Variants in FAM13C observed in about 807,000 individuals in gnomAD.
The protein encoded by FAM13C is protein FAM13C.
FAM13C carries 37 observed loss-of-function variants against 73.2 expected under a neutral mutation model. That is an observed-to-expected ratio of 0.51 (90% confidence interval 0.39 to 0.67). The LOEUF is 0.67. FAM13C is among the 30% of genes least tolerant of loss of function. The pLI is 0.00. For missense variants in FAM13C, 589 were observed against 715.6 expected, an observed-to-expected ratio of 0.82 and a Z score of 2.02; for synonymous variants, 246 against 260.9, an observed-to-expected ratio of 0.94 and a Z score of 0.55.
chr10:59,274,884 G>A (rs1479804685), intron 6 of FAM13C, among the ~76,000 whole-genome samples: 3 of 152,168 alleles, frequency 2.0e-5, no homozygotes, highest in African/African-American at 7.2e-5. Flanking sequence ...CTGAGCTGTG[G>A]AGCTAGGGAA....
intron 6 of FAM13C, among the ~76,000 whole-genome samples, chr10:59,278,946 G>C (rs145270090): frequency 1.0e-3 from 155 of 152,300 alleles, no homozygotes; most frequent in Non-Finnish European, 1.7e-3. Context: ...GACTTTCAAA[G>C]ACTATCTGGG....
At chr10:59,332,038 G>C (rs1852063604) in intron 3 of FAM13C, among the ~76,000 whole-genome samples, 1 of 152,096 alleles carries the variant, frequency 6.6e-6, no homozygotes, top group Non-Finnish European at 1.5e-5. Flanking sequence ...GATCAGGAGG[G>C]TGACCAAAAC....
intron 3 of FAM13C, among the ~76,000 whole-genome samples, chr10:59,348,090 T>TG (rs1190420858): frequency 2.2e-4 from 34 of 152,298 alleles, no homozygotes; most frequent in African/African-American, 6.5e-4. Flanking sequence ...CCAAACTTTG[T>TG]GAAAAAAAAG....
intron 2 of FAM13C, among the ~76,000 whole-genome samples, chr10:59,352,818 A>C (rs74945084): frequency 1.3e-5 from 2 of 152,196 alleles, no homozygotes; most frequent in Admixed American, 1.3e-4. Context: ...TTCAGGTGAG[A>C]TATCATCATC....
chr10:59,361,042 G>A, intron 1 of FAM13C: 1 of 1,289,218 alleles, frequency 7.8e-7, no homozygotes, highest in Non-Finnish European at 1.0e-6. Context: ...ACCTGGAGCA[G>A]GAAGTCCAGG....
intron 4 of FAM13C, among the ~76,000 whole-genome samples, chr10:59,317,607 C>A (rs1395530966): frequency 1.3e-5 from 2 of 152,054 alleles, no homozygotes; most frequent in African/African-American, 2.4e-5. Flanking sequence ...TGATAATTAA[C>A]CTACTGCTTA....
intron 3 of FAM13C, among the ~76,000 whole-genome samples, chr10:59,344,451 T>TA (rs928840908): frequency 1.1e-4 from 17 of 150,086 alleles, no homozygotes; most frequent in South Asian, 2.1e-4. Flanking sequence ...GCTGATTTTT[T>TA]TTTTTTATTT....
chr10:59,261,732 C>A (rs1842524828), intron 10 of FAM13C, among the ~76,000 whole-genome samples: 1 of 152,062 alleles, frequency 6.6e-6, no homozygotes, highest in Non-Finnish European at 1.5e-5. Flanking sequence ...AGGGTTGAGA[C>A]AGGGGACTAC....
chr10:59,291,061 G>C (rs2133772459), intron 5 of FAM13C, among the ~76,000 whole-genome samples: 1 of 152,252 alleles, frequency 6.6e-6, no homozygotes, highest in East Asian at 1.9e-4. Flanking sequence ...CCTATTCCCT[G>C]GGGCCTTGAC....
chr10:59,296,540 T>C (rs1004479329), intron 5 of FAM13C, among the ~76,000 whole-genome samples: 6 of 152,206 alleles, frequency 3.9e-5, no homozygotes, highest in African/African-American at 1.4e-4. Context: ...TAAATAAAAA[T>C]AGGTATCTCC....
rs1199089951 is a variant in FAM13C at position 59,344,204 on chromosome 10, C to T, written c.324+8066G>A. Reference sequence around the variant, plus strand: ...GTCTCGATTTCCTGACCTCGCGATCCGCCCACCTTGGCCTCCGAAAGTGCT... The same window carrying T: ...GTCTCGATTTCCTGACCTCGCGATCTGCCCACCTTGGCCTCCGAAAGTGCT... On this transcript the variant is annotated intron_variant, in intron 3 of 13. Transcript: ENST00000618804. Among the ~76,000 whole-genome samples the T allele has an allele frequency of 1.5e-4, 22 of 151,506 alleles. 1 individual carries two copies. The highest frequency in any genetic ancestry group is 5.3e-4 in the Admixed American group (8 of 15,236).
intron 4 of FAM13C, among the ~76,000 whole-genome samples, chr10:59,305,063 G>C (rs1029060936): frequency 6.6e-6 from 1 of 152,272 alleles, no homozygotes; most frequent in Admixed American, 6.5e-5. Flanking sequence ...ATTATTGTGA[G>C]CCAAATAAAT....
intron 5 of FAM13C, among the ~76,000 whole-genome samples, chr10:59,296,537 A>C (rs1195550062): frequency 6.6e-6 from 1 of 152,226 alleles, no homozygotes; most frequent in Non-Finnish European, 1.5e-5. Context: ...AGCTAAATAA[A>C]AATAGGTATC....
chr10:59,306,684 T>C (rs144419181), intron 4 of FAM13C, among the ~76,000 whole-genome samples: 151 of 152,296 alleles, frequency 9.9e-4, no homozygotes, highest in African/African-American at 3.5e-3. Context: ...GAGACCAGCC[T>C]GGGCAACACA....
chr10:59,356,012 G>A (rs1178470384), intron 1 of FAM13C, 69 bp from the exon 2 acceptor site: 1 of 1,435,312 alleles, frequency 7.0e-7, no homozygotes, highest in African/African-American at 1.4e-5. Context: ...CAATAATCTA[G>A]AATTGTCTCA....
chr10:59,323,967 T>C (rs747902419), intron 4 of FAM13C, 21 bp downstream of exon 4: 32 of 1,594,254 alleles, frequency 2.0e-5, no homozygotes, highest in Admixed American at 3.3e-5. Context: ...ACAGAATAGC[T>C]TCTGATAACA....
intron 3 of FAM13C, among the ~76,000 whole-genome samples, chr10:59,343,287 C>T (rs1853760464): frequency 1.3e-5 from 2 of 152,148 alleles, no homozygotes; most frequent in African/African-American, 4.8e-5. Context: ...CTGTTCAAAA[C>T]AATAATATAA....
chr10:59,285,338 C>T (rs550246396), intron 5 of FAM13C, among the ~76,000 whole-genome samples: 2 of 152,250 alleles, frequency 1.3e-5, no homozygotes, highest in South Asian at 2.1e-4. Context: ...GCTGAAGGAA[C>T]AGGCACACCA....
intron 5 of FAM13C, among the ~76,000 whole-genome samples, chr10:59,286,042 C>G (rs1845515812): frequency 6.6e-6 from 1 of 152,184 alleles, no homozygotes; most frequent in South Asian, 2.1e-4. Context: ...AATGGATAAA[C>G]CAAACGTGGT....
Sources: gnomAD v4.1 joint callset for allele counts (sites outside exome capture counted in the v4.1 genomes callset) on GRCh38, gnomAD v4.1.1 for gene constraint, MANE v1.5 for transcripts, NCBI Gene and HGNC (gene_info 2026-07-23, HGNC 2026-07-21) for gene names.